The following AKAP13 variants were observed in gnomAD, a reference collection of about 807,000 sequenced individuals.
The protein encoded by AKAP13 is A-kinase anchoring protein 13, also known as A-kinase anchor protein 13.
In AKAP13, 80 loss-of-function variants were observed where a neutral mutation model predicts 264.5. The ratio of observed to expected loss-of-function variants is 0.30; its 90% CI spans 0.25 to 0.36. The LOEUF is 0.36. Among genes scored for constraint, AKAP13 ranks in the 10% least tolerant of loss-of-function variants. The probability of loss-of-function intolerance (pLI) is 1.00; values close to 1 mark genes in which losing one functional copy is unlikely to be tolerated. For missense variants in AKAP13, 3,712 were observed against 3,435.2 expected (o/e 1.08, Z -2.01); for synonymous variants, 1,380 against 1,250.2 (o/e 1.10, Z -2.19).
chr15:85,442,539 A>T (rs1289351601), intron 1 of AKAP13, among the ~76,000 whole-genome samples: 1 of 132,012 alleles, frequency 7.6e-6, no homozygotes, highest in Non-Finnish European at 1.6e-5. Flanking sequence ...TATAATATAT[A>T]TTATATATAT....
chr15:85,642,797 T>C (rs2082370284), intron 9 of AKAP13, among the ~76,000 whole-genome samples: 2 of 152,314 alleles, frequency 1.3e-5, no homozygotes, highest in African/African-American at 2.4e-5. Flanking sequence ...CGTGAGCTAG[T>C]TTGTTTTCCA....
chr15:85,568,529 C>T (rs1019794253), intron 5 of AKAP13, among the ~76,000 whole-genome samples: 9 of 152,222 alleles, frequency 5.9e-5, no homozygotes, highest in East Asian at 3.9e-4. Flanking sequence ...AAAAGAACAT[C>T]GGTGAATACG....
intron 23 of AKAP13, among the ~76,000 whole-genome samples, chr15:85,719,620 C>G (rs776235045): frequency 4.6e-5 from 7 of 152,116 alleles, no homozygotes; most frequent in Non-Finnish European, 1.0e-4. Context: ...GTGCCATCAT[C>G]AGAAACAGTA....
chr15:85,435,441 G>A (rs370174787), intron 1 of AKAP13, among the ~76,000 whole-genome samples: 44 of 99,308 alleles, frequency 4.4e-4, no homozygotes, highest in Non-Finnish European at 4.8e-4. Context: ...GCAGGCCAAC[G>A]TTCAGATTCA....
intron 1 of AKAP13, among the ~76,000 whole-genome samples, chr15:85,439,529 A>T (rs1235891872): frequency 6.6e-6 from 1 of 150,648 alleles, no homozygotes; most frequent in African/African-American, 2.4e-5. Flanking sequence ...ACGTATGTTT[A>T]TTGCGGCATT....
At chr15:85,583,157 T>A (rs1428754610) in intron 7 of AKAP13, 3 of 985,476 alleles carry the variant, frequency 3.0e-6, no homozygotes, top group Non-Finnish European at 3.6e-6. Context: ...GCCCCTAGGC[T>A]TTTGTAGGTA....
intron 5 of AKAP13, among the ~76,000 whole-genome samples, chr15:85,557,264 G>A (rs1358362335): frequency 6.6e-6 from 1 of 152,056 alleles, no homozygotes; most frequent in African/African-American, 2.4e-5. Context: ...TTGCCTAAAC[G>A]CTATCTATCT....
intron 2 of AKAP13, among the ~76,000 whole-genome samples, chr15:85,502,997 A>G (rs982319865): frequency 1.3e-5 from 2 of 152,210 alleles, no homozygotes; most frequent in Non-Finnish European, 2.9e-5. Flanking sequence ...AGACATGGAG[A>G]TTATGAAATG....
chr15:85,640,208 A>G (rs1195101387), intron 9 of AKAP13, among the ~76,000 whole-genome samples: 1 of 152,206 alleles, frequency 6.6e-6, no homozygotes, highest in Non-Finnish European at 1.5e-5. Context: ...TTGAGGGTGT[A>G]GTACAGATGA....
intron 14 of AKAP13, among the ~76,000 whole-genome samples, chr15:85,674,624 A>T (rs557597543): frequency 2.0e-4 from 30 of 152,280 alleles, no homozygotes; most frequent in African/African-American, 7.2e-4. Context: ...CATGCATTAG[A>T]CTATGACAGC....
chr15:85,581,810 A>T lies in AKAP13; in HGVS notation c.3742A>T (p.Ile1248Leu). 1 of 1,614,140 alleles carries T rather than the reference A, an allele frequency of 6.2e-7. No individual in the cohort carries two copies. Among genetic ancestry groups the T allele is most frequent in the African/African-American group, 1.3e-5 (1 of 75,046 alleles). The part of the protein sequence containing the change: ...DAPLPKGADL[I>L]EEAASRIVDA... ...ACCTCTGCCTAAGGGGGCAGACTTG[A>T]TAGAGGAGGCTGCCAGCCGTATAGT... is the stretch of plus-strand genomic sequence containing the variant. Residue 1248 changes from isoleucine to leucine, a missense_variant, in exon 7 of 37, where the codon ATA (isoleucine) becomes TTA (leucine). By Grantham distance (5) the Ile-to-Leu change is conservative (BLOSUM62 2). Transcript: ENST00000394518.
At chr15:85,547,114 A>G (rs1288163789) in intron 5 of AKAP13, among the ~76,000 whole-genome samples, 1 of 152,240 alleles carries the variant, frequency 6.6e-6, no homozygotes, top group Non-Finnish European at 1.5e-5. Flanking sequence ...TTGTCCACAT[A>G]TAAGCCGGCC....
intron 16 of AKAP13, among the ~76,000 whole-genome samples, chr15:85,687,776 C>T (rs1461026043): frequency 6.6e-6 from 1 of 152,092 alleles, no homozygotes; most frequent in African/African-American, 2.4e-5. Flanking sequence ...CACAGTGGTA[C>T]ACACCTGTAA....
chr15:85,693,702 C>T (rs899649249), intron 17 of AKAP13, among the ~76,000 whole-genome samples: 1 of 152,136 alleles, frequency 6.6e-6, no homozygotes, highest in African/African-American at 2.4e-5. Flanking sequence ...TTTAACTTTA[C>T]AGTGGTTCAA....
At chr15:85,649,780 A>C (rs2082720797) in intron 10 of AKAP13, among the ~76,000 whole-genome samples, 1 of 152,218 alleles carries the variant, frequency 6.6e-6, no homozygotes, top group Non-Finnish European at 1.5e-5. Flanking sequence ...TTTTATTTTT[A>C]AAGTGAAAAG....
At chr15:85,675,789 G>T (rs750175137) in intron 14 of AKAP13, among the ~76,000 whole-genome samples, 57 of 152,316 alleles carry the variant, frequency 3.7e-4, no homozygotes, top group Non-Finnish European at 6.2e-4. Flanking sequence ...CAAGACTGAG[G>T]AATTTGGGCC....
intron 1 of AKAP13, among the ~76,000 whole-genome samples, chr15:85,410,484 A>G (rs1340223123): frequency 6.6e-6 from 1 of 151,562 alleles, no homozygotes; most frequent in Non-Finnish European, 1.5e-5. Flanking sequence ...TTCAGACACT[A>G]AGCTTGGCAG....
chr15:85,558,646 C>T (rs1459073405), intron 5 of AKAP13, among the ~76,000 whole-genome samples: 3 of 152,186 alleles, frequency 2.0e-5, no homozygotes, highest in African/African-American at 7.2e-5. Context: ...CATCGCTTCT[C>T]CATTAAGTTG....
In AKAP13 at chr15:85,658,547, G is replaced by A; in HGVS notation, c.4756G>A (p.Val1586Ile). Reference sequence around the variant, plus strand: ...ACCATTCATTTTCAGTTCAATGCGAGTTCTTGGGGATGTTGTCAGGAGACC... The same window carrying A: ...ACCATTCATTTTCAGTTCAATGCGAATTCTTGGGGATGTTGTCAGGAGACC... ...AEMNHRSSMR[V>I]LGDVVRRPPI... Residue 1586 changes from valine to isoleucine, a missense_variant, in exon 12 of 37, where the codon GTT (valine) becomes ATT (isoleucine). By Grantham distance (29) the Val-to-Ile change is conservative. Coordinates refer to ENST00000394518, the MANE Select transcript of AKAP13 (RefSeq NM_007200.5). 2 of 1,613,846 alleles carry A rather than the reference G, an allele frequency of 1.2e-6. No individual in the cohort carries two copies.
Sources: allele counts gnomAD v4.1 joint callset (sites outside exome capture counted in the v4.1 genomes callset), GRCh38; gene constraint gnomAD v4.1.1; transcripts MANE v1.5; gene names NCBI Gene and HGNC (gene_info 2026-07-23, HGNC 2026-07-21).